Variants in HCN1 observed in about 807,000 individuals in gnomAD.
The protein encoded by HCN1 is potassium/sodium hyperpolarization-activated cyclic nucleotide-gated channel 1.
HCN1 carries 13 observed loss-of-function variants against 78.9 expected under a neutral mutation model. The ratio of observed to expected loss-of-function variants is 0.16; its 90% CI spans 0.11 to 0.26. HCN1 has a LOEUF of 0.26. HCN1 is among the 10% of genes least tolerant of loss of function. The probability of loss-of-function intolerance (pLI) is 1.00; values close to 1 mark genes in which losing one functional copy is unlikely to be tolerated. For synonymous variants in HCN1, 552 were observed against 455.5 expected, an observed-to-expected ratio of 1.21 and a Z score of -2.70; for missense variants, 810 against 1,154.3, an observed-to-expected ratio of 0.70 and a Z score of 4.32.
intron 2 of HCN1, among the ~76,000 whole-genome samples, chr5:45,616,727 A>G (rs537236177): frequency 3.3e-5 from 5 of 152,054 alleles, no homozygotes; most frequent in Non-Finnish European, 7.4e-5. Context: ...ATTAAATAAA[A>G]AACAAACTTG....
chr5:45,619,255 T>C lies in HCN1; in HGVS notation c.849+25930A>G, dbSNP rs1223716937. 2.0e-5 allele frequency among the ~76,000 whole-genome samples: 3 copies of C among 152,022 alleles called. No homozygotes were observed. The East Asian group carries it at 5.8e-4, about 29-fold the overall frequency. Reference sequence around the variant, plus strand: ...GGAAGGGCCTAGAAGCAGTGCCACTTCTATACCCTGGTAGCAATGAGCGTA... The same window carrying C: ...GGAAGGGCCTAGAAGCAGTGCCACTCCTATACCCTGGTAGCAATGAGCGTA... On this transcript the variant is annotated intron_variant, in intron 2 of 7. Coordinates refer to ENST00000303230, the MANE Select transcript of HCN1 (RefSeq NM_021072.4).
intron 4 of HCN1, among the ~76,000 whole-genome samples, chr5:45,368,357 T>C (rs1747277609): frequency 6.6e-6 from 1 of 152,030 alleles, no homozygotes; most frequent in Non-Finnish European, 1.5e-5. Context: ...GAGAAAATTA[T>C]AGCAAAAACA....
chr5:45,304,591 C>T (rs916513849), intron 5 of HCN1, among the ~76,000 whole-genome samples: 3 of 152,028 alleles, frequency 2.0e-5, no homozygotes, highest in African/African-American at 4.8e-5. Context: ...CAGAGAATTG[C>T]TTGAACCCAG....
intron 2 of HCN1, among the ~76,000 whole-genome samples, chr5:45,612,304 C>T (rs1469732297): frequency 6.6e-6 from 1 of 152,060 alleles, no homozygotes; most frequent in African/African-American, 2.4e-5. Flanking sequence ...TTATCTGTAT[C>T]ATTCATTTAT....
At chr5:45,526,442 T>C (rs921270445) in intron 2 of HCN1, among the ~76,000 whole-genome samples, 2 of 152,066 alleles carry the variant, frequency 1.3e-5, no homozygotes, top group Admixed American at 1.3e-4. Flanking sequence ...CTTTTCATCC[T>C]GATAACCTGT....
At chr5:45,458,003 A>C (rs1741061829) in intron 3 of HCN1, among the ~76,000 whole-genome samples, 1 of 152,154 alleles carries the variant, frequency 6.6e-6, no homozygotes, top group African/African-American at 2.4e-5. Flanking sequence ...TGACTTTTTA[A>C]AAATAATATT....
Position 45,267,463 on chromosome 5 carries a change from TA to T in HCN1, c.1619-211del, listed in dbSNP as rs375114789. On this transcript the variant is annotated intron_variant, in intron 6 of 7. Coordinates refer to ENST00000303230, the MANE Select transcript of HCN1 (RefSeq NM_021072.4). Reference sequence around the variant, plus strand: ...AATGTTTTTTTGTTTTGTTTTGTTTTAAAAAAAAAAAAAACAGTTGAGAAGG... The same window carrying T: ...AATGTTTTTTTGTTTTGTTTTGTTTTAAAAAAAAAAAAACAGTTGAGAAGG... Among the ~76,000 whole-genome samples the T allele has an allele frequency of 6.6e-3, 935 of 141,382 alleles. 5 individuals are homozygous for T. The highest frequency in any genetic ancestry group is 0.016 in the African/African-American group (638 of 39,014). 92.8% of individuals were successfully genotyped at this position (141,382 alleles called of 152,430 possible).
intron 1 of HCN1, among the ~76,000 whole-genome samples, chr5:45,693,073 CTAAAG>C (rs1440915139): frequency 1.3e-5 from 2 of 152,008 alleles, no homozygotes; most frequent in East Asian, 1.9e-4. Context: ...AGGAAAGGGC[CTAAAG>C]TAAAGGCTAG....
In HCN1 at chr5:45,398,020, T is replaced by C. The variant is rs576325192; in HGVS notation, c.1012-1310A>G. Among the ~76,000 whole-genome samples the C allele has an allele frequency of 2.6e-5, 4 of 151,966 alleles. No homozygotes were observed. In the South Asian group the frequency reaches 8.3e-4, roughly 32 times the overall value. ...TTTAAATTTAAAAATGATCTTTCTA[T>C]TAATTCAAATGTTATTAAACCTATT... On this transcript the variant is annotated intron_variant, in intron 3 of 7. Transcript: ENST00000303230.
At chr5:45,632,741 G>T (rs1290906766) in intron 2 of HCN1, among the ~76,000 whole-genome samples, 1 of 151,956 alleles carries the variant, frequency 6.6e-6, no homozygotes, top group Non-Finnish European at 1.5e-5. Context: ...GAATGCATTG[G>T]TTTTTCAAAC....
intron 4 of HCN1, among the ~76,000 whole-genome samples, chr5:45,364,396 C>T (rs759599963): frequency 1.2e-4 from 18 of 151,608 alleles, no homozygotes; most frequent in Non-Finnish European, 1.8e-4. Context: ...GCACATCAAA[C>T]GCAAAATTGA....
At chr5:45,667,417 A>C (rs1041939597) in intron 1 of HCN1, among the ~76,000 whole-genome samples, 6 of 152,032 alleles carry the variant, frequency 3.9e-5, no homozygotes, top group African/African-American at 1.2e-4. Flanking sequence ...CAGACTTAAA[A>C]AAAATAAAGG....
chr5:45,296,598 C>T (rs79719077), intron 6 of HCN1, among the ~76,000 whole-genome samples: 55 of 151,608 alleles, frequency 3.6e-4, no homozygotes, highest in East Asian at 3.5e-3. Flanking sequence ...CAAAGCACAA[C>T]GACTAAGAAT....
chr5:45,264,018 C>G (rs181039882), intron 7 of HCN1, among the ~76,000 whole-genome samples: 110 of 152,300 alleles, frequency 7.2e-4, no homozygotes, highest in African/African-American at 1.9e-3. Flanking sequence ...TGGTCTCCAT[C>G]TCATGACCTT....
intron 2 of HCN1, among the ~76,000 whole-genome samples, chr5:45,590,997 A>C (rs62369114): frequency 1.3e-5 from 2 of 151,368 alleles, no homozygotes; most frequent in African/African-American, 4.9e-5. Context: ...ATGACTGGCT[A>C]ATTTTTTTTT....
chr5:45,595,846 T>TA (rs1744481055), intron 2 of HCN1, among the ~76,000 whole-genome samples: 1 of 152,058 alleles, frequency 6.6e-6, no homozygotes, highest in South Asian at 2.1e-4. Context: ...TTTTTTTTTT[T>TA]ACTTTATAAC....
intron 4 of HCN1, among the ~76,000 whole-genome samples, chr5:45,376,123 GTTATATAAAATATAATATA>G (rs1461496916): frequency 1.0e-5 from 1 of 96,480 alleles, no homozygotes; most frequent in Non-Finnish European, 1.9e-5. Context: ...TATATAATAT[GTTATATAAAATATAATATA>G]TTATATATAA....
chr5:45,597,370 C>T (rs913261576), intron 2 of HCN1, among the ~76,000 whole-genome samples: 1 of 152,082 alleles, frequency 6.6e-6, no homozygotes, highest in Non-Finnish European at 1.5e-5. Flanking sequence ...ATTCAACAGC[C>T]CTTCATGCTA....
chr5:45,504,644 T>TAGAACTGGA (rs1742259241), intron 2 of HCN1, among the ~76,000 whole-genome samples: 1 of 152,166 alleles, frequency 6.6e-6, no homozygotes, highest in Non-Finnish European at 1.5e-5. Flanking sequence ...CAAATGGTAT[T>TAGAACTGGA]TCTAGTTCTA....
Sources: gnomAD v4.1 joint callset for allele counts (sites outside exome capture counted in the v4.1 genomes callset) on GRCh38, gnomAD v4.1.1 for gene constraint, MANE v1.5 for transcripts, NCBI Gene and HGNC (gene_info 2026-07-23, HGNC 2026-07-21) for gene names.